Variants in ZNF251 observed in about 807,000 individuals in gnomAD.
The protein encoded by ZNF251 is zinc finger protein 251.
Under a neutral mutation model 13.5 loss-of-function variants are expected in ZNF251, and 14 were observed. That is an observed-to-expected ratio of 1.04 (90% confidence interval 0.69 to 1.63). The LOEUF (loss-of-function observed/expected upper bound fraction) is 1.63, where lower values mean the gene tolerates loss of function less well. ZNF251 is among the 40% of genes most tolerant of loss of function. The pLI is 0.00. For synonymous variants in ZNF251, 287 were observed against 295.2 expected (o/e 0.97, Z 0.28); for missense variants, 764 against 834.9 (o/e 0.92, Z 1.05).
chr8:144,730,680 C>T (rs1485682310), intron 4 of ZNF251, among the ~76,000 whole-genome samples: 2 of 152,256 alleles, frequency 1.3e-5, no homozygotes, highest in African/African-American at 4.8e-5. Flanking sequence ...CATGGAGGCA[C>T]TGCCAGAGAC....
chr8:144,722,545 G>T lies in ZNF251; in HGVS notation c.1115C>A (p.Thr372Asn). Reference sequence around the variant, plus strand: ...ATTGCATTTATGGGGCTTCTCTCCAGTGTGAATTCTCTCATGCTGAATAAG... The same window carrying T: ...ATTGCATTTATGGGGCTTCTCTCCATTGTGAATTCTCTCATGCTGAATAAG... ...SSLIQHERIH[T>N]GEKPHKCNQC... The change falls in exon 5 of 5, where the codon ACT becomes AAT. Residue 372 changes from threonine (T) to asparagine (N), a missense_variant. Thr to Asn is a moderately conservative substitution (Grantham distance 65). Transcript: ENST00000292562. The surrounding 1 kb of genome is among the most constrained non-coding windows in gnomAD (Gnocchi z 4.8). 1 of 1,614,048 alleles carries T rather than the reference G, an allele frequency of 6.2e-7. No individual in the cohort carries two copies. Among genetic ancestry groups the T allele is most frequent in the Non-Finnish European group, 8.5e-7 (1 of 1,179,986 alleles).
chr8:144,753,449 A>G (rs985508598), intron 4 of ZNF251: 38 of 443,974 alleles, frequency 8.6e-5, no homozygotes, highest in Admixed American at 1.7e-4. Flanking sequence ...TCACCAAAAC[A>G]AAAATATGAT....
chr8:144,730,033 A>C (rs1365504665), intron 4 of ZNF251: 1 of 985,244 alleles, frequency 1.0e-6, no homozygotes, highest in Non-Finnish European at 1.2e-6. Context: ...TCACCCACCA[A>C]CTCGAGGCCG....
At position 144,732,538 on chromosome 8, in the gene ZNF251, C is replaced by T. The variant is rs377685315; in HGVS notation, c.278-9156G>A. Reference sequence around the variant, plus strand: ...TTACATTAGACTGAGCCAAGCCGGGCGCGGTGGCTCACGCCTGTAATCCCA... The same window carrying T: ...TTACATTAGACTGAGCCAAGCCGGGTGCGGTGGCTCACGCCTGTAATCCCA... On this transcript the variant is annotated intron_variant, in intron 4 of 4. Transcript: ENST00000292562. Among the ~76,000 whole-genome samples the T allele has an allele frequency of 9.9e-4, 150 of 152,244 alleles. 1 individual carries two copies. The highest frequency in any genetic ancestry group is 6.8e-3 in the Middle Eastern group (2 of 294).
rs1389165034 is a variant in ZNF251 at position 144,754,083 on chromosome 8, CG to C, written c.163+108del. 3.5e-6 allele frequency: 5 copies of C among 1,435,920 alleles called. No homozygotes were observed. In the East Asian group the frequency reaches 1.2e-4, roughly 34 times the overall value. The allele number at this position is 1,435,920 out of a possible 1,614,324, so 88.9% of individuals were successfully genotyped here. Reference sequence around the variant, plus strand: ...CTTCTGTAGAGATCAGACTGATACCCGGGGACAAGGGGCAGGACCCTCTTCT... The same window carrying C: ...CTTCTGTAGAGATCAGACTGATACCCGGGACAAGGGGCAGGACCCTCTTCT... On this transcript the variant is annotated intron_variant, in intron 3 of 4. Transcript: ENST00000292562.
intron 4 of ZNF251, among the ~76,000 whole-genome samples, chr8:144,730,264 G>A (rs1052539663): frequency 6.6e-6 from 1 of 152,260 alleles, no homozygotes; most frequent in African/African-American, 2.4e-5. Flanking sequence ...CCGCCCAGAG[G>A]CCTTCCGTGG....
At chr8:144,727,430 T>TAGCC (rs1370482139) in intron 4 of ZNF251, among the ~76,000 whole-genome samples, 1 of 152,248 alleles carries the variant, frequency 6.6e-6, no homozygotes, top group Admixed American at 6.5e-5. Flanking sequence ...TTATTCAGTG[T>TAGCC]AGCCACCTTC....
chr8:144,754,437 C>CTG, intron 2 of ZNF251, 116 bp from the exon 3 acceptor site: 1 of 1,451,858 alleles, frequency 6.9e-7, no homozygotes, highest in South Asian at 1.5e-5. Context: ...TCAGTATGAA[C>CTG]TGTGTATCAG....
chr8:144,755,017 G>T (rs998565327), intron 1 of ZNF251: 1 of 1,381,656 alleles, frequency 7.2e-7, no homozygotes, highest in African/African-American at 1.5e-5. Context: ...CCGGCTAAGG[G>T]GTGAAAGCTG....
intron 4 of ZNF251, among the ~76,000 whole-genome samples, chr8:144,746,114 A>T (rs778452480): frequency 6.6e-6 from 1 of 152,224 alleles, no homozygotes; most frequent in Non-Finnish European, 1.5e-5. Flanking sequence ...GTATAAAGGA[A>T]AATGTAGATT....
At position 144,753,805 on chromosome 8, in the gene ZNF251, G is replaced by A; in HGVS notation, c.164-9C>T. 4 of 1,558,926 alleles carry A rather than the reference G, an allele frequency of 2.6e-6. No homozygotes were observed. The highest frequency in any genetic ancestry group is 3.5e-6 in the Non-Finnish European group (4 of 1,149,920). On this transcript the variant is annotated splice_polypyrimidine_tract_variant and intron_variant, in intron 3 of 4. Coordinates refer to ENST00000292562, the MANE Select transcript of ZNF251 (RefSeq NM_138367.2). ...CTTAGGGACAGGGAATCCTGTTGAG[G>A]ATGAGGACACTGGTGAGCTGGCATG...
intron 4 of ZNF251, among the ~76,000 whole-genome samples, chr8:144,746,431 G>A (rs1042776369): frequency 3.3e-5 from 5 of 152,184 alleles, no homozygotes; most frequent in Non-Finnish European, 5.9e-5. Context: ...TTCATAAGAG[G>A]TGTCTGTCTG....
In ZNF251 at chr8:144,741,468, C is replaced by T. The variant is rs186477927; in HGVS notation, c.277+12215G>A. On this transcript the variant is annotated intron_variant, in intron 4 of 4. Transcript: ENST00000292562. ...TCCACAGTCTCCACTCCAAAATTAA[C>T]AAACACATAAAGAACCAAGAAAATA... Among the ~76,000 whole-genome samples the T allele has an allele frequency of 1.0e-3, 155 of 152,308 alleles. 1 individual carries two copies. The highest frequency in any genetic ancestry group is 2.8e-3 in the African/African-American group (118 of 41,556).
intron 2 of ZNF251, 150 bp from the exon 3 acceptor site, chr8:144,754,471 G>A (rs758892500): frequency 3.5e-6 from 5 of 1,444,560 alleles, no homozygotes; most frequent in Non-Finnish European, 4.6e-6. Flanking sequence ...GGGCAGCTGA[G>A]AGCGCTGAGG....
chr8:144,732,553 C>T (rs1482123695), intron 4 of ZNF251, among the ~76,000 whole-genome samples: 1 of 152,188 alleles, frequency 6.6e-6, no homozygotes, highest in African/African-American at 2.4e-5. Context: ...TGGCTCACGC[C>T]TGTAATCCCA....
At chr8:144,740,495 G>A (rs1824107549) in intron 4 of ZNF251, among the ~76,000 whole-genome samples, 1 of 151,890 alleles carries the variant, frequency 6.6e-6, no homozygotes, top group Non-Finnish European at 1.5e-5. Flanking sequence ...AATTAGCAGG[G>A]TATGGTGGCA....
chr8:144,747,385 AG>A (rs1172494674), intron 4 of ZNF251, among the ~76,000 whole-genome samples: 2 of 152,224 alleles, frequency 1.3e-5, no homozygotes, highest in Non-Finnish European at 1.5e-5. Context: ...GGTCTATCTT[AG>A]TGAATGTTCC....
intron 4 of ZNF251, among the ~76,000 whole-genome samples, chr8:144,723,900 T>C (rs2129924230): frequency 6.6e-6 from 1 of 152,258 alleles, no homozygotes; most frequent in South Asian, 2.1e-4. Context: ...CAGGAAGGCC[T>C]GGGCCTGGCT....
At chr8:144,728,662 CAAA>C (rs573364533) in intron 4 of ZNF251, among the ~76,000 whole-genome samples, 2 of 56,316 alleles carry the variant, frequency 3.6e-5, no homozygotes, top group Non-Finnish European at 4.0e-5. Context: ...GGCTCCGTCT[CAAA>C]AAAAAAAAAA....
Sources: gnomAD v4.1 joint callset for allele counts (sites outside exome capture counted in the v4.1 genomes callset) on GRCh38, gnomAD v4.1.1 for gene constraint, Gnocchi (gnomAD v3.1) non-coding constraint, MANE v1.5 for transcripts, NCBI Gene and HGNC (gene_info 2026-07-23, HGNC 2026-07-21) for gene names.